The following MYO6 variants were observed in gnomAD, a reference collection of about 807,000 sequenced individuals.
The protein encoded by MYO6 is myosin VI.
MYO6 carries 74 observed loss-of-function variants against 178.7 expected under a neutral mutation model. That is an observed-to-expected ratio of 0.41 (90% CI 0.34 to 0.50). The LOEUF (loss-of-function observed/expected upper bound fraction) is 0.50. Among genes scored for constraint, MYO6 ranks in the 20% least tolerant of loss-of-function variants. MYO6 has a pLI of 0.09. For missense variants in MYO6, 1,330 were observed against 1,547.4 expected (o/e 0.86, Z 2.36); for synonymous variants, 477 against 504.6 (o/e 0.95, Z 0.73).
chr6:75,810,507 A>AG (rs1770589281), intron 1 of MYO6, among the ~76,000 whole-genome samples: 1 of 152,184 alleles, frequency 6.6e-6, no homozygotes, highest in Admixed American at 6.5e-5. Context: ...AAATTCCAAA[A>AG]GGGAGGGGGG....
In MYO6 at chr6:75,901,624, G is replaced by A. The variant is rs1779782646; in HGVS notation, c.3176+3213G>A. On this transcript the variant is annotated intron_variant, in intron 30 of 34. Transcript: ENST00000369977. ...GCTTAGCAGCTTAAGGAGATTTTGG[G>A]CTGAGACAATGGGGTTTTCTAGATA... Among the ~76,000 whole-genome samples the A allele has an allele frequency of 2.6e-5, 4 of 152,226 alleles. No homozygotes were observed. In the South Asian group the frequency reaches 8.3e-4, roughly 32 times the overall value.
intron 11 of MYO6, 133 bp from the exon 12 acceptor site, chr6:75,855,006 A>G (rs1349171715): frequency 1.3e-6 from 1 of 776,726 alleles, no homozygotes; most frequent in Admixed American, 2.3e-5. Flanking sequence ...AAAGTGAGGT[A>G]GATTTAAAAG....
At chr6:75,765,170 C>CTTTTTTT (rs71002762) in intron 1 of MYO6, among the ~76,000 whole-genome samples, 11 of 57,684 alleles carry the variant, frequency 1.9e-4, no homozygotes, top group Non-Finnish European at 2.6e-4. Flanking sequence ...AAAAAAAAAG[C>CTTTTTTT]TTTTTTTTTT....
At position 75,873,254 on chromosome 6, in the gene MYO6, C is replaced by A; in HGVS notation, c.2031C>A (p.Ser677Arg). The change falls in exon 20 of 35, where the codon AGC (serine) becomes AGA (arginine). Residue 677 changes from serine (S) to arginine (R), a missense_variant. Around this residue, in one of 3 missense-constraint regions of MYO6, gnomAD observed 613 missense variants for 816.8 expected, o/e 0.75. Transcript: ENST00000369977. ...TCAAACCTAACTTAAAGATGACAAG[C>A]CACCACTTTGAAGGTGCTCAAATTC... ...RCIKPNLKMT[S>R]HHFEGAQILS... 6.2e-7 allele frequency: 1 copy of A among 1,614,000 alleles called. No homozygotes were observed. Among genetic ancestry groups the A allele is most frequent in the Non-Finnish European group, 8.5e-7 (1 of 1,179,960 alleles).
intron 1 of MYO6, among the ~76,000 whole-genome samples, chr6:75,814,616 C>G (rs1771027833): frequency 6.6e-6 from 1 of 152,128 alleles, no homozygotes; most frequent in Non-Finnish European, 1.5e-5. Context: ...AATCCCAGCA[C>G]TTTGTATGGT....
At chr6:75,891,858 A>G (rs559111100) in intron 27 of MYO6, among the ~76,000 whole-genome samples, 8 of 152,278 alleles carry the variant, frequency 5.3e-5, no homozygotes, top group East Asian at 3.9e-4. Context: ...GTGAGGAACT[A>G]TGGGTCACAG....
rs12663535 is a variant in MYO6, at chr6:75,762,824, T to C, written c.-48+13401T>C. Reference sequence around the variant, plus strand: ...ATACCTGTTATAATTACATACTTAATGTATGTGCCTTAAGCAAATGTATTC... The same window carrying C: ...ATACCTGTTATAATTACATACTTAACGTATGTGCCTTAAGCAAATGTATTC... On this transcript the variant is annotated intron_variant, in intron 1 of 34. Coordinates refer to ENST00000369977, the MANE Select transcript of MYO6 (RefSeq NM_004999.4). 0.013 allele frequency among the ~76,000 whole-genome samples: 1,920 copies of C among 152,314 alleles called. 65 individuals carry two copies. In the East Asian group the frequency reaches 0.13, roughly 11 times the overall value.
In MYO6 at chr6:75,879,885, T is replaced by G. The variant is rs778375920; in HGVS notation, c.2143T>G (p.Tyr715Asp). Reference protein sequence around the residue: ...YPSRASFHELYNMYKKYMPDK... With the variant: ...YPSRASFHELDNMYKKYMPDK... ...ATCACGAGCTTCATTTCATGAACTC[T>G]ACAACATGTACAAAAAGTATATGCC... Residue 715 changes from tyrosine to aspartate, a missense_variant, in exon 21 of 35, where the codon TAC (tyrosine) becomes GAC (aspartate). Tyr to Asp is a radical substitution (Grantham distance 160). This residue lies in a region of MYO6 where 613 missense variants were observed against 816.8 expected (regional missense o/e 0.75). Coordinates refer to ENST00000369977, the MANE Select transcript of MYO6 (RefSeq NM_004999.4). The G allele has an allele frequency of 3.1e-6, 5 of 1,614,170 alleles. No homozygotes were observed. The highest frequency in any genetic ancestry group is 4.2e-6 in the Non-Finnish European group (5 of 1,179,996).
At chr6:75,783,192 C>T (rs1431208481) in intron 1 of MYO6, among the ~76,000 whole-genome samples, 2 of 152,094 alleles carry the variant, frequency 1.3e-5, no homozygotes, top group Admixed American at 6.5e-5. Flanking sequence ...TCTGGGATTA[C>T]AGGTATTAGC....
In MYO6 at chr6:75,861,092, A is replaced by G; in HGVS notation, c.1543A>G (p.Ile515Val). The change falls in exon 15 of 35, where the codon ATA (isoleucine) becomes GTA (valine). Residue 515 changes from isoleucine (I) to valine (V), a missense_variant. Transcript: ENST00000369977. ...GCATTATGTGGATAATCAGGACTGT[A>G]TAGGTATGTGTTTTTTAACTCCACC... is the stretch of plus-strand genomic sequence containing the variant. Reference protein sequence around the residue: ...EVHYVDNQDCIDLIEAKLVGI... With the variant: ...EVHYVDNQDCVDLIEAKLVGI... The G allele has an allele frequency of 1.2e-6, 2 of 1,606,576 alleles. No individual in the cohort carries two copies. The highest frequency in any genetic ancestry group is 8.5e-7 in the Non-Finnish European group (1 of 1,173,674).
intron 1 of MYO6, among the ~76,000 whole-genome samples, chr6:75,792,190 C>T (rs139227985): frequency 2.2e-3 from 333 of 152,186 alleles, no homozygotes; most frequent in Middle Eastern, 0.014. Flanking sequence ...GTTCATCAGT[C>T]GGTTATAATT....
intron 1 of MYO6, among the ~76,000 whole-genome samples, chr6:75,750,403 T>G (rs1277245062): frequency 6.6e-6 from 1 of 151,158 alleles, no homozygotes; most frequent in Admixed American, 6.6e-5. Context: ...CCAAATATTC[T>G]TTACATCTTA....
chr6:75,835,987 T>G, intron 7 of MYO6, 31 bp downstream of exon 7: 1 of 1,466,764 alleles, frequency 6.8e-7, no homozygotes, highest in Non-Finnish European at 9.6e-7. Context: ...GTTACGCGTG[T>G]ACTGAAATTA....
intron 9 of MYO6, among the ~76,000 whole-genome samples, chr6:75,841,695 A>G (rs1656437866): frequency 6.6e-6 from 1 of 152,168 alleles, no homozygotes; most frequent in African/African-American, 2.4e-5. Context: ...CCCTATCTCA[A>G]AGAAAAAAAA....
At position 75,919,434 on chromosome 6, in the gene MYO6, CAATT is replaced by C. The variant is rs10547766; in HGVS notation, c.*4427_*4430del. ...ATGAAAATTCATCTAGTCAAACTGT[CAATT>C]AATTTTTCCTCATTTCATTAAAAGT... On this transcript the variant is annotated 3_prime_UTR_variant, in exon 35 of 35. Coordinates refer to ENST00000369977, the MANE Select transcript of MYO6 (RefSeq NM_004999.4). 48,544 of 152,170 alleles carry C rather than the reference CAATT, an allele frequency of 0.32. 7,775 individuals carry two copies. The highest frequency in any genetic ancestry group is 0.39 in the South Asian group (1,889 of 4,796). The allele number at this position is 152,170 out of a possible 1,614,324, so 9.4% of individuals were successfully genotyped here. A position where few individuals can be genotyped will look rare whatever the true frequency, so the allele number is the denominator to read the frequency against.
intron 2 of MYO6, among the ~76,000 whole-genome samples, chr6:75,821,737 G>C (rs1333764674): frequency 6.6e-6 from 1 of 152,074 alleles, no homozygotes; most frequent in Non-Finnish European, 1.5e-5. Context: ...TCAGCCACAA[G>C]AGTAATTGTC....
At chr6:75,760,096 T>C (rs974652654) in intron 1 of MYO6, among the ~76,000 whole-genome samples, 2 of 152,210 alleles carry the variant, frequency 1.3e-5, no homozygotes, top group East Asian at 1.9e-4. Context: ...TAGAACATAG[T>C]GTTGATATGG....
chr6:75,807,460 A>ATT (rs201524502), intron 1 of MYO6, among the ~76,000 whole-genome samples: 1 of 150,292 alleles, frequency 6.7e-6, no homozygotes, highest in Non-Finnish European at 1.5e-5. Context: ...ATGTGGAGGG[A>ATT]TTTTTTTTTC....
At chr6:75,869,909 C>G (rs574030876) in intron 18 of MYO6, among the ~76,000 whole-genome samples, 10 of 151,304 alleles carry the variant, frequency 6.6e-5, no homozygotes, top group Admixed American at 5.3e-4. Context: ...GTCAGGAGAT[C>G]GAGACCATCC....
Sources: allele counts gnomAD v4.1 joint callset (sites outside exome capture counted in the v4.1 genomes callset), GRCh38; gene constraint gnomAD v4.1.1; regional missense constraint gnomAD v4.1.1; transcripts MANE v1.5; gene names NCBI Gene and HGNC (gene_info 2026-07-23, HGNC 2026-07-21).